YAF2: variants seen among roughly 807,000 people sequenced by gnomAD.
YAF2 encodes YY1 associated factor 2.
Under a neutral mutation model 20.1 loss-of-function variants are expected in YAF2, and 7 were observed. The observed-to-expected ratio is 0.35, with a 90% CI of 0.20 to 0.65. The LOEUF is 0.65. YAF2 is among the 30% of genes least tolerant of loss of function. YAF2 has a pLI of 0.69. For missense variants in YAF2, 151 were observed against 219.2 expected, an observed-to-expected ratio of 0.69 and a Z score of 1.96; for synonymous variants, 74 against 76.0, an observed-to-expected ratio of 0.97 and a Z score of 0.14.
At chr12:42,226,907 C>T (rs1457493264) in intron 2 of YAF2, among the ~76,000 whole-genome samples, 1 of 150,270 alleles carries the variant, frequency 6.7e-6, no homozygotes, top group African/African-American at 2.4e-5. Context: ...GGGTCGGTGG[C>T]TTAGGGAGCC....
At chr12:42,225,538 CTTGAGTCAATT>C (rs1273083060) in intron 2 of YAF2, among the ~76,000 whole-genome samples, 1 of 152,156 alleles carries the variant, frequency 6.6e-6, no homozygotes, top group Non-Finnish European at 1.5e-5. Flanking sequence ...TTTAATCCAT[CTTGAGTCAATT>C]TTGTGTAAAG....
chr12:42,237,851 T>C (rs57579381), intron 1 of YAF2, 127 bp from the exon 2 acceptor site: 572,947 of 850,878 alleles, frequency 0.67, 194,715 homozygotes, highest in African/African-American at 0.94. Context: ...CCGCGGGCCC[T>C]CGGCGCGCCG....
chr12:42,231,775 T>C (rs1477679617), intron 2 of YAF2: 1 of 152,228 alleles, frequency 6.6e-6, no homozygotes, highest in East Asian at 1.9e-4. Context: ...ACACAGAAAC[T>C]CTAAAGCTCA....
intron 2 of YAF2, among the ~76,000 whole-genome samples, chr12:42,170,439 T>G (rs2066017731): frequency 6.6e-6 from 1 of 152,204 alleles, no homozygotes; most frequent in Non-Finnish European, 1.5e-5. Context: ...GAATACTTGA[T>G]ATCTGTGTTG....
chr12:42,230,477 ATT>A (rs533333280), intron 2 of YAF2, among the ~76,000 whole-genome samples: 1 of 150,584 alleles, frequency 6.6e-6, no homozygotes. Context: ...ATAGGACTCA[ATT>A]TTTTTTTTAA....
At chr12:42,169,931 T>C (rs1436370957) in intron 2 of YAF2, among the ~76,000 whole-genome samples, 2 of 151,796 alleles carry the variant, frequency 1.3e-5, no homozygotes, top group Non-Finnish European at 2.9e-5. Flanking sequence ...AGTGCAGTGG[T>C]ACAATCACAA....
intron 2 of YAF2, 196 bp downstream of exon 2, chr12:42,237,403 C>A (rs983252466): frequency 4.7e-6 from 6 of 1,287,238 alleles, no homozygotes; most frequent in Non-Finnish European, 4.9e-6. Context: ...AACGTTACAG[C>A]CTCTTCAATT....
At chr12:42,184,080 G>A (rs1175141591) in intron 2 of YAF2, among the ~76,000 whole-genome samples, 1 of 152,178 alleles carries the variant, frequency 6.6e-6, no homozygotes, top group Non-Finnish European at 1.5e-5. Context: ...TCAGCTCACC[G>A]TTAAGACCTG....
intron 2 of YAF2, among the ~76,000 whole-genome samples, chr12:42,172,858 C>T (rs78226327): frequency 0.015 from 2,288 of 152,246 alleles, 55 homozygotes; most frequent in African/African-American, 0.052. Flanking sequence ...GATGAGCCTA[C>T]GGCATTATGC....
At chr12:42,233,574 T>C (rs1001509530) in intron 2 of YAF2, 5 of 787,544 alleles carry the variant, frequency 6.3e-6, no homozygotes, top group Non-Finnish European at 7.7e-6. Flanking sequence ...TGCAGTGGTA[T>C]GATCACAGCT....
At chr12:42,174,469 C>T (rs1157108078) in intron 2 of YAF2, among the ~76,000 whole-genome samples, 1 of 152,172 alleles carries the variant, frequency 6.6e-6, no homozygotes, top group Non-Finnish European at 1.5e-5. Context: ...TTTACTGATT[C>T]CCTTCCAGTG....
intron 2 of YAF2, chr12:42,212,396 TAC>T (rs1384018761): frequency 7.1e-6 from 3 of 420,648 alleles, no homozygotes; most frequent in African/African-American, 6.2e-5. Flanking sequence ...AGGTACTAGA[TAC>T]AGATATATTT....
chr12:42,185,688 A>G (rs980893290), intron 2 of YAF2, among the ~76,000 whole-genome samples: 1 of 152,190 alleles, frequency 6.6e-6, no homozygotes, highest in Non-Finnish European at 1.5e-5. Flanking sequence ...TGGTCATTTG[A>G]ATTTTTTAGC....
intron 2 of YAF2, among the ~76,000 whole-genome samples, chr12:42,178,611 T>C (rs116286994): frequency 0.01 from 1,598 of 152,280 alleles, 28 homozygotes; most frequent in African/African-American, 0.037. Flanking sequence ...GCTCCCATTT[T>C]CATTTTTATT....
At chr12:42,166,966 TTTC>T (rs1287532597) in intron 2 of YAF2, among the ~76,000 whole-genome samples, 4 of 152,194 alleles carry the variant, frequency 2.6e-5, no homozygotes, top group Non-Finnish European at 5.9e-5. Flanking sequence ...ATTTTTCTGT[TTTC>T]TTATTATTTT....
At chr12:42,222,735 GC>G (rs1263986096) in intron 2 of YAF2, among the ~76,000 whole-genome samples, 18 of 152,102 alleles carry the variant, frequency 1.2e-4, no homozygotes. Flanking sequence ...GGCAATGATC[GC>G]CAGCATGATA....
intron 2 of YAF2, chr12:42,233,701 C>T (rs984919814): frequency 1.1e-5 from 9 of 842,960 alleles, no homozygotes; most frequent in Admixed American, 6.2e-5. Context: ...TTAGTAGAGA[C>T]GAGATCTCAC....
intron 2 of YAF2, among the ~76,000 whole-genome samples, chr12:42,227,692 C>G (rs1158450550): frequency 2.7e-5 from 4 of 150,510 alleles, no homozygotes; most frequent in African/African-American, 9.8e-5. Context: ...GCAGCCACCC[C>G]ATCTGGGAAG....
chr12:42,210,171 C>T (rs1345122195), intron 2 of YAF2, among the ~76,000 whole-genome samples: 1 of 152,188 alleles, frequency 6.6e-6, no homozygotes, highest in Middle Eastern at 3.2e-3. Flanking sequence ...ATACTTTTTA[C>T]TCATACACCC....
Sources: allele counts gnomAD v4.1 joint callset (sites outside exome capture counted in the v4.1 genomes callset), GRCh38; gene constraint gnomAD v4.1.1; transcripts MANE v1.5; gene names NCBI Gene and HGNC (gene_info 2026-07-23, HGNC 2026-07-21).